CCDC33: variants seen among roughly 807,000 people sequenced by gnomAD.
CCDC33 encodes coiled-coil domain containing 33.
In CCDC33, 94 loss-of-function variants were observed where a neutral mutation model predicts 91.9. The ratio of observed to expected loss-of-function variants is 1.02; its 90% confidence interval spans 0.87 to 1.21. The LOEUF (loss-of-function observed/expected upper bound fraction) is 1.21. Among genes scored for constraint, CCDC33 ranks in the 50% most tolerant of loss-of-function variants. The probability of loss-of-function intolerance (pLI) is 0.00; values close to 1 mark genes in which losing one functional copy is unlikely to be tolerated. For synonymous variants in CCDC33, 396 were observed against 374.5 expected, an observed-to-expected ratio of 1.06 and a Z score of -0.66; for missense variants, 940 against 935.5, an observed-to-expected ratio of 1.00 and a Z score of -0.06.
upstream of CCDC33, chr15:74,236,160 G>A (rs1352202822): frequency 6.6e-6 from 1 of 152,552 alleles, no homozygotes; most frequent in Non-Finnish European, 1.5e-5. Flanking sequence ...AGAGCAGGAA[G>A]GGTGGGGCCT....
chr15:74,291,885 T>G (rs2059591516), intron 10 of CCDC33, among the ~76,000 whole-genome samples: 1 of 151,730 alleles, frequency 6.6e-6, no homozygotes, highest in African/African-American at 2.4e-5. Flanking sequence ...CTGGGAGGAG[T>G]GAGGAAGGGA....
upstream of CCDC33, among the ~76,000 whole-genome samples, chr15:74,231,649 C>A (rs1176211074): frequency 6.6e-6 from 1 of 152,148 alleles, no homozygotes; most frequent in Non-Finnish European, 1.5e-5. Context: ...GAGTCAAATC[C>A]CAGCTGTGCC....
intron 15 of CCDC33, 139 bp from the exon 16 acceptor site, chr15:74,332,540 A>T: frequency 1.2e-6 from 1 of 832,604 alleles, no homozygotes; most frequent in Non-Finnish European, 1.9e-6. Context: ...ACCTGATCCC[A>T]CTGGTGGTAG....
chr15:74,276,027 C>T (rs1289397221), intron 7 of CCDC33, among the ~76,000 whole-genome samples: 1 of 152,238 alleles, frequency 6.6e-6, no homozygotes, highest in Non-Finnish European at 1.5e-5. Context: ...CTTACCCAGC[C>T]ATCCCTCAGC....
chr15:74,266,345 T>C (rs975756950), intron 3 of CCDC33, among the ~76,000 whole-genome samples: 6 of 152,208 alleles, frequency 3.9e-5, no homozygotes, highest in African/African-American at 1.4e-4. Context: ...TGTATCTCAG[T>C]GTGTGCACAT....
At chr15:74,296,565 G>A (rs2059691769) in intron 11 of CCDC33, among the ~76,000 whole-genome samples, 1 of 152,198 alleles carries the variant, frequency 6.6e-6, no homozygotes, top group Non-Finnish European at 1.5e-5. Context: ...GGTGGAGGTT[G>A]CGGTGAGCCA....
At chr15:74,248,465 G>A (rs1289209289) in intron 2 of CCDC33, among the ~76,000 whole-genome samples, 1 of 152,092 alleles carries the variant, frequency 6.6e-6, no homozygotes, top group Non-Finnish European at 1.5e-5. Flanking sequence ...GGTTGGGGAT[G>A]GATATCCTGG....
Position 74,244,221 on chromosome 15 carries a change from G to T in CCDC33, c.185+73G>T. 1 of 1,534,500 alleles carries T rather than the reference G, an allele frequency of 6.5e-7. No homozygotes were observed. Among genetic ancestry groups the T allele is most frequent in the Non-Finnish European group, 8.8e-7 (1 of 1,135,300 alleles). ...GCAGAAACCAGGGGACAGCTATTTG[G>T]AATACTAGCACCCAAAGGCCCAGGA... On this transcript the variant is annotated intron_variant, in intron 2 of 18. Coordinates refer to ENST00000398814, the MANE Select transcript of CCDC33 (RefSeq NM_025055.5). This position sits in a 1 kb window ranked among gnomAD's most constrained non-coding sequence, Gnocchi z 4.2.
intron 18 of CCDC33, 111 bp downstream of exon 18, chr15:74,335,199 G>A (rs1396728863): frequency 2.3e-6 from 2 of 868,010 alleles, no homozygotes; most frequent in Non-Finnish European, 4.0e-6. Context: ...GCCAACTCCA[G>A]GGCTGGGGGT....
At chr15:74,267,653 C>T (rs2076203054) in intron 4 of CCDC33, among the ~76,000 whole-genome samples, 1 of 152,098 alleles carries the variant, frequency 6.6e-6, no homozygotes, top group African/African-American at 2.4e-5. Flanking sequence ...GAGTAAAGAA[C>T]AATGTGAAGC....
Position 74,244,265 on chromosome 15 carries a change from G to C in CCDC33, c.185+117G>C. On this transcript the variant is annotated intron_variant, in intron 2 of 18. Coordinates refer to ENST00000398814, the MANE Select transcript of CCDC33 (RefSeq NM_025055.5). This position sits in a 1 kb window ranked among gnomAD's most constrained non-coding sequence, Gnocchi z 4.2. ...CCCAGGACTGGGACTGTCATACCCA[G>C]AGGGGAGGAGCTGCTGTGGGCACTA... 2 of 1,320,904 alleles carry C rather than the reference G, an allele frequency of 1.5e-6. No individual in the cohort carries two copies. The highest frequency in any genetic ancestry group is 2.6e-5 in the Admixed American group (1 of 38,790). The allele number at this position is 1,320,904 out of a possible 1,614,324, so 81.8% of individuals were successfully genotyped here.
intron 11 of CCDC33, chr15:74,299,814 CT>C (rs1333167518): frequency 6.6e-6 from 1 of 152,548 alleles, no homozygotes; most frequent in East Asian, 1.9e-4. Context: ...ATCCTCTCAC[CT>C]CTGGTTCGGT....
chr15:74,326,770 C>T (rs1032366525), intron 11 of CCDC33, among the ~76,000 whole-genome samples: 1 of 152,182 alleles, frequency 6.6e-6, no homozygotes, highest in African/African-American at 2.4e-5. Flanking sequence ...CCTGACCCTC[C>T]CCCAGCAGAC....
At chr15:74,235,071 CTG>C (rs1373069437), upstream of CCDC33, among the ~76,000 whole-genome samples, 5 of 152,332 alleles carry the variant, frequency 3.3e-5, no homozygotes, top group East Asian at 9.6e-4. Context: ...CACATACACA[CTG>C]TGCTGGGACA....
intron 11 of CCDC33, among the ~76,000 whole-genome samples, chr15:74,326,857 T>G (rs2060319652): frequency 6.6e-6 from 1 of 151,942 alleles, no homozygotes; most frequent in African/African-American, 2.4e-5. Flanking sequence ...ATCTGGGCCA[T>G]GGTGTCCTTC....
chr15:74,228,980 G>C (rs1368540118), intron 2 of CCDC33, among the ~76,000 whole-genome samples: 1 of 152,156 alleles, frequency 6.6e-6, no homozygotes, highest in African/African-American at 2.4e-5. Flanking sequence ...GCCTGAGTGA[G>C]CAGTTTCCTG....
intron 11 of CCDC33, chr15:74,318,436 C>T (rs2060136630): frequency 3.7e-6 from 2 of 547,470 alleles, no homozygotes; most frequent in East Asian, 6.9e-5. Flanking sequence ...TCAGCCACCC[C>T]ACCCAGACAC....
intron 11 of CCDC33, among the ~76,000 whole-genome samples, chr15:74,304,695 C>T (rs1303862833): frequency 1.3e-5 from 2 of 152,124 alleles, no homozygotes; most frequent in African/African-American, 4.8e-5. Context: ...CAGCCCCCAG[C>T]CCTGGAGCTG....
chr15:74,296,253 G>A (rs1046822753), intron 11 of CCDC33, among the ~76,000 whole-genome samples: 3 of 152,184 alleles, frequency 2.0e-5, no homozygotes, highest in African/African-American at 7.2e-5. Flanking sequence ...ACTTCCTGAG[G>A]TGCATGGCCA....
Sources: allele counts gnomAD v4.1 joint callset (sites outside exome capture counted in the v4.1 genomes callset), GRCh38; gene constraint gnomAD v4.1.1; non-coding constraint Gnocchi (gnomAD v3.1); transcripts MANE v1.5; gene names NCBI Gene and HGNC (gene_info 2026-07-23, HGNC 2026-07-21).